Variants in DLG2 observed in about 807,000 individuals in gnomAD.
The protein encoded by DLG2 is discs large MAGUK scaffold protein 2.
In DLG2, 45 loss-of-function variants were observed where a neutral mutation model predicts 132.5. That is an observed-to-expected ratio of 0.34 (90% CI 0.27 to 0.44). DLG2 has a LOEUF of 0.44. Among genes scored for constraint, DLG2 ranks in the 20% least tolerant of loss-of-function variants. The pLI is 1.00. For missense variants in DLG2, 1,045 were observed against 1,196.9 expected (o/e 0.87, Z 1.87); for synonymous variants, 424 against 419.6 (o/e 1.01, Z -0.13).
intron 6 of DLG2, among the ~76,000 whole-genome samples, chr11:84,941,905 T>C (rs79772854): frequency 0.11 from 16,913 of 152,068 alleles, 1,154 homozygotes; most frequent in African/African-American, 0.13. Flanking sequence ...TTTTTTATTA[T>C]GGCTACCATC....
At chr11:84,351,082 A>AT (rs2098565357) in intron 7 of DLG2, among the ~76,000 whole-genome samples, 1 of 152,082 alleles carries the variant, frequency 6.6e-6, no homozygotes, top group Non-Finnish European at 1.5e-5. Context: ...AACAGGAAAT[A>AT]TTTTTCTGTA....
intron 7 of DLG2, among the ~76,000 whole-genome samples, chr11:84,455,598 G>C (rs2099063236): frequency 6.6e-6 from 1 of 150,762 alleles, no homozygotes; most frequent in African/African-American, 2.4e-5. Flanking sequence ...GAAATCAAAG[G>C]AAAAATGTGG....
chr11:84,052,687 CAAA>C (rs67140653), intron 11 of DLG2, among the ~76,000 whole-genome samples: 78,951 of 125,322 alleles, frequency 0.63, 24,510 homozygotes, highest in Non-Finnish European at 0.73. Context: ...ATTAAAAAGT[CAAA>C]AAAAAAAAAA....
chr11:84,062,578 C>T (rs2096608042), intron 10 of DLG2, among the ~76,000 whole-genome samples: 1 of 152,120 alleles, frequency 6.6e-6, no homozygotes, highest in African/African-American at 2.4e-5. Context: ...CTTACTTAAA[C>T]AATTTATAAA....
intron 16 of DLG2, among the ~76,000 whole-genome samples, chr11:83,845,892 A>T (rs1210635596): frequency 6.6e-6 from 1 of 152,198 alleles, no homozygotes; most frequent in African/African-American, 2.4e-5. Context: ...TGGCATTGTG[A>T]AGATGAATTG....
chr11:84,954,786 A>G (rs2051420733), intron 6 of DLG2, among the ~76,000 whole-genome samples: 1 of 152,190 alleles, frequency 6.6e-6, no homozygotes, highest in South Asian at 2.1e-4. Flanking sequence ...ATTCACTAAT[A>G]AATCTTCACT....
chr11:84,042,651 G>A (rs563774701), intron 11 of DLG2, among the ~76,000 whole-genome samples: 2 of 151,708 alleles, frequency 1.3e-5, no homozygotes, highest in Non-Finnish European at 2.9e-5. Context: ...CATGTGCAGG[G>A]TGTGCAGGTT....
At chr11:83,612,522 T>C (rs768901303) in intron 19 of DLG2, among the ~76,000 whole-genome samples, 1 of 152,136 alleles carries the variant, frequency 6.6e-6, no homozygotes, top group Non-Finnish European at 1.5e-5. Flanking sequence ...TGAACAGAGA[T>C]AAGATCTCAC....
intron 3 of DLG2, among the ~76,000 whole-genome samples, chr11:85,366,690 G>C (rs144861132): frequency 6.6e-6 from 1 of 152,090 alleles, no homozygotes; most frequent in East Asian, 1.9e-4. Flanking sequence ...TAAGTTCCTA[G>C]GGAATTTGCT....
At chr11:83,770,255 G>GTTTTTTGTTTTTTTTTTTTTTTT (rs2094332922) in intron 18 of DLG2, among the ~76,000 whole-genome samples, 1 of 109,918 alleles carries the variant, frequency 9.1e-6, no homozygotes, top group African/African-American at 4.1e-5. Flanking sequence ...GGTGTCTGGT[G>GTTTTTTGTTTTTTTTTTTTTTTT]TTTTTTTTTG....
At chr11:84,161,183 T>C (rs922700310) in intron 9 of DLG2, among the ~76,000 whole-genome samples, 4 of 152,094 alleles carry the variant, frequency 2.6e-5, no homozygotes. Context: ...ACTGGGGTTT[T>C]GCTGGATGAG....
At chr11:84,546,568 T>C in intron 6 of DLG2, 1 of 406,730 alleles carries the variant, frequency 2.5e-6, no homozygotes. Context: ...TTTGAGAATC[T>C]CCTCTTGAGA....
chr11:84,936,943 C>T (rs1205331371), intron 6 of DLG2, among the ~76,000 whole-genome samples: 2 of 151,994 alleles, frequency 1.3e-5, no homozygotes, highest in African/African-American at 2.4e-5. Context: ...ACTTGAGGTC[C>T]GGGGTTTGAG....
intron 3 of DLG2, among the ~76,000 whole-genome samples, chr11:85,437,596 C>A (rs923397591): frequency 3.3e-5 from 5 of 152,036 alleles, no homozygotes; most frequent in African/African-American, 1.2e-4. Context: ...AAAAAAGAGT[C>A]TATATTTTAC....
chr11:84,948,393 G>T (rs2050494459), intron 6 of DLG2, among the ~76,000 whole-genome samples: 1 of 152,156 alleles, frequency 6.6e-6, no homozygotes, highest in Non-Finnish European at 1.5e-5. Flanking sequence ...GATAAGCCCT[G>T]ATGGCAGTCA....
intron 7 of DLG2, among the ~76,000 whole-genome samples, chr11:84,296,665 A>G (rs2098092688): frequency 6.6e-6 from 1 of 152,082 alleles, no homozygotes; most frequent in Non-Finnish European, 1.5e-5. Context: ...GTCTCCAACT[A>G]CTGGCCTCAA....
chr11:84,081,323 T>C lies in DLG2; in HGVS notation c.749+17600A>G, dbSNP rs1393645978. Among the ~76,000 whole-genome samples, 3 of 152,264 alleles carry C rather than the reference T, an allele frequency of 2.0e-5. 1 individual carries two copies. The highest frequency in any genetic ancestry group is 6.8e-3 in the Middle Eastern group (2 of 294). Reference sequence around the variant, plus strand: ...TTAGCTCAAAATGTTAGAATAATACTGATATTGAGTGTTACAACCTCTCCA... The same window carrying C: ...TTAGCTCAAAATGTTAGAATAATACCGATATTGAGTGTTACAACCTCTCCA... On this transcript the variant is annotated intron_variant, in intron 10 of 27. Transcript: ENST00000376104.
At chr11:85,394,904 C>T (rs1025869115) in intron 3 of DLG2, among the ~76,000 whole-genome samples, 2 of 152,158 alleles carry the variant, frequency 1.3e-5, no homozygotes. Context: ...ATGAATATAG[C>T]ATTCTTGCCT....
At position 83,667,318 on chromosome 11, in the gene DLG2, T is replaced by C. The variant is rs573899483; in HGVS notation, c.1826-33993A>G. Among the ~76,000 whole-genome samples the C allele has an allele frequency of 2.0e-5, 3 of 152,324 alleles. No homozygotes were observed. The South Asian group carries it at 6.2e-4, about 32-fold the overall frequency. On this transcript the variant is annotated intron_variant, in intron 18 of 27. Coordinates refer to ENST00000376104, the MANE Select transcript of DLG2 (RefSeq NM_001142699.3). Reference sequence around the variant, plus strand: ...AACTCTGTCCTACCTACGCTTATTATAGCTGTCTAAGGATATGACATTCAG... The same window carrying C: ...AACTCTGTCCTACCTACGCTTATTACAGCTGTCTAAGGATATGACATTCAG...
Sources: allele counts gnomAD v4.1 joint callset (sites outside exome capture counted in the v4.1 genomes callset), GRCh38; gene constraint gnomAD v4.1.1; transcripts MANE v1.5; gene names NCBI Gene and HGNC (gene_info 2026-07-23, HGNC 2026-07-21).